Variants in DOCK7 observed in about 807,000 individuals in gnomAD.
DOCK7 encodes the protein dedicator of cytokinesis 7, also known as dedicator of cytokinesis protein 7.
DOCK7 carries 138 observed loss-of-function variants against 271.0 expected under a neutral mutation model. The ratio of observed to expected loss-of-function variants is 0.51; its 90% CI spans 0.44 to 0.59. The LOEUF is 0.59. DOCK7 is among the 20% of genes least tolerant of loss of function. The pLI, the probability that DOCK7 is intolerant of heterozygous loss-of-function variation, is 0.00. For missense variants in DOCK7, 2,066 were observed against 2,592.4 expected (o/e 0.80, Z 4.41); for synonymous variants, 823 against 876.1 (o/e 0.94, Z 1.07).
At chr1:62,456,517 C>T (rs981061708) in intron 49 of DOCK7, among the ~76,000 whole-genome samples, 1 of 152,126 alleles carries the variant, frequency 6.6e-6, no homozygotes, top group Admixed American at 6.5e-5. Flanking sequence ...AGGGAAACAG[C>T]AGTCTTGAAA....
At chr1:62,659,479 G>C (rs1041687969) in intron 2 of DOCK7, among the ~76,000 whole-genome samples, 2 of 151,774 alleles carry the variant, frequency 1.3e-5, no homozygotes, top group African/African-American at 4.8e-5. Flanking sequence ...TAGAAAAAAA[G>C]AAAACAGAGA....
chr1:62,662,538 G>A (rs1188064189), intron 2 of DOCK7, among the ~76,000 whole-genome samples: 3 of 152,064 alleles, frequency 2.0e-5, no homozygotes, highest in African/African-American at 7.2e-5. Context: ...CGAGGAAGGT[G>A]GATCACAAGG....
At chr1:62,669,327 A>G (rs1338170360) in intron 1 of DOCK7, among the ~76,000 whole-genome samples, 3 of 152,214 alleles carry the variant, frequency 2.0e-5, no homozygotes, top group African/African-American at 4.8e-5. Flanking sequence ...AAAGGTTTCT[A>G]TGGAACAGTA....
At chr1:62,526,360 C>T (rs1211141243) in intron 31 of DOCK7, among the ~76,000 whole-genome samples, 1 of 152,156 alleles carries the variant, frequency 6.6e-6, no homozygotes, top group African/African-American at 2.4e-5. Flanking sequence ...ATCAAAACTA[C>T]AGTGAAGTTC....
At chr1:62,678,905 TG>T (rs1271111493) in intron 1 of DOCK7, among the ~76,000 whole-genome samples, 2 of 152,144 alleles carry the variant, frequency 1.3e-5, no homozygotes, top group Non-Finnish European at 2.9e-5. Flanking sequence ...AGAATTGGAT[TG>T]TTACACAAGA....
chr1:62,598,116 A>C (rs1201413359), intron 14 of DOCK7: 1 of 1,472,374 alleles, frequency 6.8e-7, no homozygotes, highest in East Asian at 2.4e-5. Context: ...GATCTTTTAA[A>C]AAAAATATTT....
intron 48 of DOCK7, among the ~76,000 whole-genome samples, chr1:62,465,331 A>G (rs1322359852): frequency 6.6e-6 from 1 of 152,174 alleles, no homozygotes; most frequent in African/African-American, 2.4e-5. Context: ...GCCTACATGA[A>G]GTGCCACTAG....
At chr1:62,597,009 A>G (rs1649354903) in intron 14 of DOCK7, among the ~76,000 whole-genome samples, 1 of 152,212 alleles carries the variant, frequency 6.6e-6, no homozygotes, top group African/African-American at 2.4e-5. Flanking sequence ...ATATAATTAT[A>G]CATTGATTTA....
chr1:62,479,528 CATAATA>C (rs1646058194), intron 43 of DOCK7, among the ~76,000 whole-genome samples: 2 of 151,722 alleles, frequency 1.3e-5, no homozygotes, highest in Admixed American at 1.3e-4. Flanking sequence ...AAAAGAACAA[CATAATA>C]ATAGTAAATT....
rs1469235757 is a variant in DOCK7 at position 62,618,695 on chromosome 1, A to G, written c.1682+11T>C. 1 of 1,606,650 alleles carries G rather than the reference A, an allele frequency of 6.2e-7. No individual in the cohort carries two copies. Among genetic ancestry groups the G allele is most frequent in the Non-Finnish European group, 8.5e-7 (1 of 1,174,078 alleles). On this transcript the variant is annotated intron_variant, in intron 14 of 49. Transcript: ENST00000635253. ...TCTTCTATCAGAATTCTCCAAATTA[A>G]AATCTCTTACCTGTAAGTAGTGTTT...
intron 31 of DOCK7, among the ~76,000 whole-genome samples, chr1:62,525,874 C>T (rs1330296951): frequency 1.3e-5 from 2 of 152,224 alleles, no homozygotes; most frequent in Admixed American, 1.3e-4. Context: ...ATTTGTAAAT[C>T]AGATAGCTGA....
At chr1:62,519,004 T>TACACACACACAC (rs1038125495) in intron 31 of DOCK7, among the ~76,000 whole-genome samples, 2 of 30,016 alleles carry the variant, frequency 6.7e-5, no homozygotes, top group Admixed American at 5.4e-4. Context: ...AAAGTCATGC[T>TACACACACACAC]ATACACACAC....
In DOCK7 at chr1:62,529,322, T is replaced by G; in HGVS notation, c.3736A>C (p.Ile1246Leu). 6.2e-7 allele frequency: 1 copy of G among 1,612,860 alleles called. No individual in the cohort carries two copies. The highest frequency in any genetic ancestry group is 8.5e-7 in the Non-Finnish European group (1 of 1,179,614). The change falls in exon 30 of 50, where the codon ATT (isoleucine) becomes CTT (leucine). Residue 1246 changes from isoleucine to leucine, a missense_variant. Physicochemically the swap from Ile to Leu is conservative, Grantham distance 5 (BLOSUM62 2). Around this residue, in one of 2 missense-constraint regions of DOCK7, gnomAD observed 1,414 missense variants for 1,670.4 expected, o/e 0.85. Coordinates refer to ENST00000635253, the MANE Select transcript of DOCK7 (RefSeq NM_001367561.1). ...GGTACAGTTTCCATGATAATACCAA[T>G]CAGAGGTAGATACAACATGGCCACT... Reference protein sequence around the residue: ...ARVAMLYLPLIGIIMETVPQL... With the variant: ...ARVAMLYLPLLGIIMETVPQL...
At chr1:62,652,599 T>C (rs927583865) in intron 4 of DOCK7, among the ~76,000 whole-genome samples, 1 of 152,136 alleles carries the variant, frequency 6.6e-6, no homozygotes, top group African/African-American at 2.4e-5. Context: ...TTAATTCTCT[T>C]ATCCTCTTGC....
chr1:62,494,019 G>A (rs1199101799), intron 40 of DOCK7, among the ~76,000 whole-genome samples: 1 of 152,142 alleles, frequency 6.6e-6, no homozygotes, highest in Non-Finnish European at 1.5e-5. Context: ...GGATTACAAG[G>A]CAGTAAAGAC....
At chr1:62,671,095 A>G (rs1447440010) in intron 1 of DOCK7, among the ~76,000 whole-genome samples, 2 of 152,182 alleles carry the variant, frequency 1.3e-5, no homozygotes, top group Non-Finnish European at 1.5e-5. Context: ...TGAGCCAGCG[A>G]GACCACGAAC....
rs191645622 is a variant in DOCK7 at position 62,584,024 on chromosome 1, C to A, written c.1801-770G>T. On this transcript the variant is annotated intron_variant, in intron 15 of 49. Coordinates refer to ENST00000635253, the MANE Select transcript of DOCK7 (RefSeq NM_001367561.1). Reference sequence around the variant, plus strand: ...CAGTGTTATCTAGCCAGAGATTAAACTTTTAAAGTCTGTATAGCCATCTTT... The same window carrying A: ...CAGTGTTATCTAGCCAGAGATTAAAATTTTAAAGTCTGTATAGCCATCTTT... 384 of 512,428 alleles carry A rather than the reference C, an allele frequency of 7.5e-4. 2 individuals carry two copies. In the African/African-American group the frequency reaches 7.6e-3, roughly 10 times the overall value. The allele number at this position is 512,428 out of a possible 1,614,324, so 31.7% of individuals were successfully genotyped here. A position where few individuals can be genotyped will look rare whatever the true frequency, so the allele number is the denominator to read the frequency against.
intron 7 of DOCK7, among the ~76,000 whole-genome samples, chr1:62,637,097 T>C (rs903336939): frequency 1.3e-5 from 2 of 152,220 alleles, no homozygotes; most frequent in East Asian, 3.8e-4. Flanking sequence ...ACTTTATGCA[T>C]AAATGCACTT....
At chr1:62,596,643 TA>T (rs945035428) in intron 14 of DOCK7, among the ~76,000 whole-genome samples, 137 of 149,942 alleles carry the variant, frequency 9.1e-4, no homozygotes, top group Admixed American at 1.6e-3. Context: ...ACATCATCTT[TA>T]AAAAAAAAAT....
Sources: gnomAD v4.1 joint callset for allele counts (sites outside exome capture counted in the v4.1 genomes callset) on GRCh38, gnomAD v4.1.1 for gene constraint, gnomAD v4.1.1 regional missense constraint, MANE v1.5 for transcripts, NCBI Gene and HGNC (gene_info 2026-07-23, HGNC 2026-07-21) for gene names.